The following CAPSL variants were observed in gnomAD, a reference collection of about 807,000 sequenced individuals.
The protein encoded by CAPSL is calcyphosin-like protein.
In CAPSL, 17 loss-of-function variants were observed where a neutral mutation model predicts 21.3. The observed-to-expected ratio is 0.80, with a 90% CI of 0.55 to 1.20. The LOEUF (loss-of-function observed/expected upper bound fraction) is 1.20, where lower values mean the gene tolerates loss of function less well. Among genes scored for constraint, CAPSL ranks in the 50% most tolerant of loss-of-function variants. The probability of loss-of-function intolerance (pLI) is 0.00; values close to 1 mark genes in which losing one functional copy is unlikely to be tolerated. For synonymous variants in CAPSL, 102 were observed against 89.3 expected, an observed-to-expected ratio of 1.14 and a Z score of -0.80; for missense variants, 289 against 259.3, an observed-to-expected ratio of 1.11 and a Z score of -0.79.
chr5:35,923,039 A>C (rs1738580088), intron 1 of CAPSL, among the ~76,000 whole-genome samples: 1 of 151,488 alleles, frequency 6.6e-6, no homozygotes, highest in Non-Finnish European at 1.5e-5. Flanking sequence ...CTCTAAACCC[A>C]CCTCAGAGTC....
intron 1 of CAPSL, among the ~76,000 whole-genome samples, chr5:35,927,639 C>T (rs1351646215): frequency 6.6e-6 from 1 of 152,202 alleles, no homozygotes; most frequent in Non-Finnish European, 1.5e-5. Flanking sequence ...GGATGGGGAA[C>T]TTGATGTGGC....
Position 35,909,999 on chromosome 5 carries a change from A to G in CAPSL, c.392T>C (p.Ile131Thr), listed in dbSNP as rs772411532. The G allele has an allele frequency of 1.2e-6, 2 of 1,613,844 alleles. No homozygotes were observed. The highest frequency in any genetic ancestry group is 2.2e-5 in the South Asian group (2 of 90,966). The part of the protein sequence containing the change: ...RKLDKTGDGV[I>T]TIEDLREVYN... ...TACTTCACGAAGGTCTTCGATTGTT[A>G]TAACACCATCTCCAGTCTTGTCTAA... The change falls in exon 4 of 5, where the codon ATA (isoleucine) becomes ACA (threonine). Residue 131 changes from isoleucine to threonine, a missense_variant. Physicochemically the swap from Ile to Thr is moderately conservative, Grantham distance 89. Coordinates refer to ENST00000651391, the MANE Select transcript of CAPSL (RefSeq NM_001042625.2).
chr5:35,928,134 C>A (rs1738730809), intron 1 of CAPSL, among the ~76,000 whole-genome samples: 2 of 152,144 alleles, frequency 1.3e-5, no homozygotes, highest in South Asian at 4.1e-4. Context: ...AATGCTGTGT[C>A]TTCACATGGC....
At chr5:35,912,045 G>C (rs1003850842) in intron 2 of CAPSL, among the ~76,000 whole-genome samples, 1 of 152,146 alleles carries the variant, frequency 6.6e-6, no homozygotes, top group Non-Finnish European at 1.5e-5. Context: ...CTTAGCAAAC[G>C]GCGCACCAGG....
At chr5:35,927,145 TC>T (rs1738705706) in intron 1 of CAPSL, among the ~76,000 whole-genome samples, 1 of 152,158 alleles carries the variant, frequency 6.6e-6, no homozygotes. Flanking sequence ...TGGACAGTCT[TC>T]CTTTGCACCA....
chr5:35,905,700 T>G (rs1278400615), intron 4 of CAPSL, among the ~76,000 whole-genome samples: 1 of 152,266 alleles, frequency 6.6e-6, no homozygotes, highest in African/African-American at 2.4e-5. Context: ...TGCTTTTCAA[T>G]TCCCTCATTA....
intron 2 of CAPSL, among the ~76,000 whole-genome samples, chr5:35,916,948 AT>A (rs1449426151): frequency 6.6e-6 from 1 of 152,146 alleles, no homozygotes; most frequent in African/African-American, 2.4e-5. Context: ...AGGGGAGAAA[AT>A]TTTTGCAACC....
rs1274477746 is a variant in CAPSL at position 35,910,005 on chromosome 5, C to A, written c.386G>T (p.Gly129Val). Residue 129 changes from glycine to valine, a missense_variant, in exon 4 of 5, where the codon GGT becomes GTT. Gly to Val is a moderately radical substitution (Grantham distance 109, BLOSUM62 -3). Transcript: ENST00000651391. ...ACGAAGGTCTTCGATTGTTATAACACCATCTCCAGTCTTGTCTAACTTTCT... is the reference window on the plus strand; with the variant it reads ...ACGAAGGTCTTCGATTGTTATAACAACATCTCCAGTCTTGTCTAACTTTCT... ...AFRKLDKTGD[G>V]VITIEDLREV... is the part of the protein sequence containing the mutation. The A allele has an allele frequency of 1.9e-6, 3 of 1,613,630 alleles. No individual in the cohort carries two copies. The highest frequency in any genetic ancestry group is 1.7e-6 in the Non-Finnish European group (2 of 1,179,882).
In CAPSL at chr5:35,919,170, A is replaced by AAAAAAAAAATATATATAT. The variant is rs754098152; in HGVS notation, c.137+1813_137+1814insATATATATATTTTTTTTT. Among the ~76,000 whole-genome samples, 5 of 121,274 alleles carry AAAAAAAAAATATATATAT rather than the reference A, an allele frequency of 4.1e-5. No homozygotes were observed. In the East Asian group the frequency reaches 6.6e-4, roughly 16 times the overall value. 79.6% of individuals were successfully genotyped at this position (121,274 alleles called of 152,430 possible). ...AGTATCTTTCCTGATTAAAAAAAAA[A>AAAAAAAAAATATATATAT]ATATATATATATATATATATAAAAA... On this transcript the variant is annotated intron_variant, in intron 2 of 4. Coordinates refer to ENST00000651391, the MANE Select transcript of CAPSL (RefSeq NM_001042625.2).
Position 35,904,543 on chromosome 5 carries a change from G to A in CAPSL, c.*2C>T. On this transcript the variant is annotated 3_prime_UTR_variant, in exon 5 of 5. Coordinates refer to ENST00000651391, the MANE Select transcript of CAPSL (RefSeq NM_001042625.2). ...CCAGGGCCTGGTCCCCAGGTCATGTGCTTAAAGCTTCCAGGCGGTTCTCAT... is the reference window on the plus strand; with the variant it reads ...CCAGGGCCTGGTCCCCAGGTCATGTACTTAAAGCTTCCAGGCGGTTCTCAT... 6.2e-7 allele frequency: 1 copy of A among 1,611,464 alleles called. No individual in the cohort carries two copies. Among genetic ancestry groups the A allele is most frequent in the African/African-American group, 1.3e-5 (1 of 74,930 alleles).
chr5:35,930,140 C>A (rs1738784677), intron 1 of CAPSL, among the ~76,000 whole-genome samples: 1 of 152,156 alleles, frequency 6.6e-6, no homozygotes, highest in East Asian at 1.9e-4. Flanking sequence ...TTCATCTACA[C>A]TTAAGTGACA....
intron 1 of CAPSL, among the ~76,000 whole-genome samples, chr5:35,922,251 T>A (rs550990516): frequency 6.6e-6 from 1 of 152,288 alleles, no homozygotes; most frequent in South Asian, 2.1e-4. Flanking sequence ...CTATACACCC[T>A]GAAAGGTCTC....
intron 1 of CAPSL, among the ~76,000 whole-genome samples, chr5:35,928,092 T>A (rs142245321): frequency 5.3e-5 from 8 of 152,340 alleles, no homozygotes; most frequent in African/African-American, 1.4e-4. Flanking sequence ...TTTCAGATGG[T>A]ACCTTGAACT....
chr5:35,913,494 C>T (rs1253230486), intron 2 of CAPSL, among the ~76,000 whole-genome samples: 1 of 152,110 alleles, frequency 6.6e-6, no homozygotes, highest in South Asian at 2.1e-4. Context: ...GCCCATCAGA[C>T]TAACAGCGGA....
intron 1 of CAPSL, among the ~76,000 whole-genome samples, chr5:35,934,216 C>T (rs567379831): frequency 8.5e-5 from 13 of 152,242 alleles, no homozygotes; most frequent in African/African-American, 1.9e-4. Context: ...TGTTATTCCA[C>T]GAGCTAAACA....
chr5:35,925,010 G>T (rs545611469), intron 1 of CAPSL, among the ~76,000 whole-genome samples: 60 of 152,340 alleles, frequency 3.9e-4, no homozygotes, highest in African/African-American at 1.4e-3. Context: ...TTAAAGATCC[G>T]GTGTGGTGAC....
chr5:35,936,725 A>T (rs1188400759), intron 1 of CAPSL, among the ~76,000 whole-genome samples: 1 of 152,094 alleles, frequency 6.6e-6, no homozygotes, highest in Non-Finnish European at 1.5e-5. Context: ...CTGCTTCTTA[A>T]GTGCTGTTTC....
intron 1 of CAPSL, among the ~76,000 whole-genome samples, chr5:35,921,763 G>C (rs1352416362): frequency 2.0e-5 from 3 of 152,094 alleles, no homozygotes; most frequent in African/African-American, 7.2e-5. Flanking sequence ...GCACTTAGCT[G>C]GGGGCCTGGA....
intron 1 of CAPSL, among the ~76,000 whole-genome samples, chr5:35,930,833 G>A (rs1018979272): frequency 6.5e-4 from 99 of 152,164 alleles, no homozygotes; most frequent in African/African-American, 2.2e-3. Flanking sequence ...CTTTCTACTG[G>A]GTAGGCACAG....
Sources: gnomAD v4.1 joint callset for allele counts (sites outside exome capture counted in the v4.1 genomes callset) on GRCh38, gnomAD v4.1.1 for gene constraint, MANE v1.5 for transcripts, NCBI Gene and HGNC (gene_info 2026-07-23, HGNC 2026-07-21) for gene names.